The following CHLSN variants were observed in gnomAD, a reference collection of about 807,000 sequenced individuals.
The protein encoded by CHLSN is protein cholesin.
chr7:980,256 G>A, the CHLSN span, among the ~76,000 whole-genome samples: 3 of 149,278 alleles, frequency 2.0e-5, no homozygotes, highest in Non-Finnish European at 4.5e-5. Context: ...GTCAGGGGCA[G>A]GCAGGACCTG....
chr7:1,020,087 G>T, the CHLSN span, among the ~76,000 whole-genome samples: 1 of 152,188 alleles, frequency 6.6e-6, no homozygotes, highest in South Asian at 2.1e-4. Context: ...AAGGGCCGGC[G>T]GAGTGGTGGT....
At chr7:1,127,342 T>G in the CHLSN span, 1 of 1,608,932 alleles carries the variant, frequency 6.2e-7, no homozygotes, top group South Asian at 1.1e-5. Context: ...CTTTTTGTTC[T>G]TTTTCTCTGT....
At chr7:1,097,822 T>C in the CHLSN span, among the ~76,000 whole-genome samples, 1 of 152,110 alleles carries the variant, frequency 6.6e-6, no homozygotes, top group Non-Finnish European at 1.5e-5. The surrounding 1 kb of genome is among the most constrained non-coding windows in gnomAD (Gnocchi z 4.3). Flanking sequence ...TGCTGTCATC[T>C]AGGAACGCAC....
the CHLSN span, among the ~76,000 whole-genome samples, chr7:1,041,143 G>C: frequency 6.6e-6 from 1 of 152,282 alleles, no homozygotes; most frequent in Admixed American, 6.5e-5. Context: ...GCAGGAGGGA[G>C]GGAGGCCCCT....
At chr7:1,100,515 C>CA in the CHLSN span, among the ~76,000 whole-genome samples, 1 of 152,230 alleles carries the variant, frequency 6.6e-6, no homozygotes, top group African/African-American at 2.4e-5. Flanking sequence ...GAAAAGCCTC[C>CA]ACCTCACCAA....
At chr7:1,045,888 G>A in the CHLSN span, 1 of 152,276 alleles carries the variant, frequency 6.6e-6, no homozygotes, top group Non-Finnish European at 1.5e-5. Context: ...GTGTCATCCT[G>A]CCTCTCTAGC....
chr7:1,009,225 C>A, the CHLSN span, among the ~76,000 whole-genome samples: 2 of 152,186 alleles, frequency 1.3e-5, no homozygotes, highest in African/African-American at 4.8e-5. Context: ...CACAGGACAC[C>A]CTGCCCCTCA....
the CHLSN span, among the ~76,000 whole-genome samples, chr7:1,051,999 A>G: frequency 6.6e-6 from 1 of 152,162 alleles, no homozygotes; most frequent in Non-Finnish European, 1.5e-5. Flanking sequence ...ATAAAAACAG[A>G]AGGAGGAACA....
the CHLSN span, among the ~76,000 whole-genome samples, chr7:1,054,443 C>T: frequency 4.6e-5 from 7 of 152,346 alleles, no homozygotes; most frequent in South Asian, 4.1e-4. Context: ...ACCTGGAGGC[C>T]GGCGTTCCCA....
chr7:1,048,217 C>T, the CHLSN span, among the ~76,000 whole-genome samples: 3 of 152,154 alleles, frequency 2.0e-5, no homozygotes, highest in Non-Finnish European at 4.4e-5. Flanking sequence ...AGAGAGCACC[C>T]GGAAACTTCG....
chr7:1,002,498 TGA>T, the CHLSN span, among the ~76,000 whole-genome samples: 1 of 56,758 alleles, frequency 1.8e-5, no homozygotes, highest in African/African-American at 7.8e-5. Context: ...GTCCTGTGGG[TGA>T]GTGGAGTCCT....
At chr7:980,146 G>T in the CHLSN span, among the ~76,000 whole-genome samples, 1 of 152,346 alleles carries the variant, frequency 6.6e-6, no homozygotes. Flanking sequence ...ATCTGCCACA[G>T]CCGACAGGTG....
chr7:1,050,356 G>A, the CHLSN span, among the ~76,000 whole-genome samples: 11 of 152,242 alleles, frequency 7.2e-5, no homozygotes, highest in Non-Finnish European at 1.2e-4. Flanking sequence ...GCAGGGAGCC[G>A]TCCACCTGCG....
At chr7:1,031,398 G>C in the CHLSN span, among the ~76,000 whole-genome samples, 35 of 136,486 alleles carry the variant, frequency 2.6e-4, no homozygotes, top group South Asian at 7.2e-4. Flanking sequence ...GTCCGGGGGG[G>C]CAGAGACCTG....
At chr7:1,117,812 C>T in the CHLSN span, among the ~76,000 whole-genome samples, 9 of 152,206 alleles carry the variant, frequency 5.9e-5, no homozygotes, top group Admixed American at 2.0e-4. Context: ...CTCTACCGAC[C>T]AGCTTCCATC....
the CHLSN span, chr7:1,028,795 G>T: frequency 1.2e-6 from 1 of 845,560 alleles, no homozygotes; most frequent in Non-Finnish European, 1.4e-6. Context: ...TGTCCCTATC[G>T]CTCCCCCAAT....
chr7:988,614 G>T, the CHLSN span: 1 of 1,603,790 alleles, frequency 6.2e-7, no homozygotes, highest in South Asian at 1.1e-5. Context: ...AGCCCACTCT[G>T]TGCCTGGACA....
chr7:1,136,359 CATATATATAA>C, the CHLSN span, among the ~76,000 whole-genome samples: 660 of 29,196 alleles, frequency 0.023, 28 homozygotes, highest in Non-Finnish European at 0.029. Flanking sequence ...TATATATAAA[CATATATATAA>C]ATATATATAA....
chr7:1,021,892 T>C, the CHLSN span, among the ~76,000 whole-genome samples: 4 of 152,186 alleles, frequency 2.6e-5, no homozygotes, highest in South Asian at 2.1e-4. Flanking sequence ...AACTGAGTCC[T>C]GGGGAGCAGG....
Sources: gnomAD v4.1 joint callset for allele counts (sites outside exome capture counted in the v4.1 genomes callset) on GRCh38, gnomAD v4.1.1 for gene constraint, Gnocchi (gnomAD v3.1) non-coding constraint, MANE v1.5 for transcripts, NCBI Gene and HGNC (gene_info 2026-07-23, HGNC 2026-07-21) for gene names.